PXYLP1: variants seen among roughly 807,000 people sequenced by gnomAD.
PXYLP1 encodes 2-phosphoxylose phosphatase 1.
Under a neutral mutation model 37.9 loss-of-function variants are expected in PXYLP1, and 17 were observed. The observed-to-expected ratio is 0.45, with a 90% CI of 0.31 to 0.67. The LOEUF (loss-of-function observed/expected upper bound fraction) is 0.67, where lower values mean the gene tolerates loss of function less well. PXYLP1 is among the 30% of genes least tolerant of loss of function. The probability of loss-of-function intolerance (pLI) is 0.07; values close to 1 mark genes in which losing one functional copy is unlikely to be tolerated. For missense variants in PXYLP1, 511 were observed against 612.0 expected (o/e 0.84, Z 1.74); for synonymous variants, 221 against 232.2 (o/e 0.95, Z 0.44).
At chr3:141,251,318 T>C (rs1576581637) in intron 1 of PXYLP1, among the ~76,000 whole-genome samples, 1 of 152,184 alleles carries the variant, frequency 6.6e-6, no homozygotes, top group East Asian at 1.9e-4. Context: ...TGAAAGTTGC[T>C]CCTCATCATG....
intron 2 of PXYLP1, among the ~76,000 whole-genome samples, chr3:141,269,960 C>T (rs1941620201): frequency 6.6e-6 from 1 of 152,230 alleles, no homozygotes; most frequent in African/African-American, 2.4e-5. Flanking sequence ...AGGGGGAGCC[C>T]CCATGCCCAA....
chr3:141,266,062 C>T lies in PXYLP1; in HGVS notation c.79+5808C>T, dbSNP rs574572806. 2.6e-5 allele frequency among the ~76,000 whole-genome samples: 4 copies of T among 152,306 alleles called. No individual in the cohort carries two copies. The East Asian group carries it at 7.7e-4, about 29-fold the overall frequency. ...GTCTGAGGCCTATGAGAGACCCTGT[C>T]AGAAGCCACCATCTGGGGACTTTGT... On this transcript the variant is annotated intron_variant, in intron 2 of 5. Coordinates refer to ENST00000286353, the MANE Select transcript of PXYLP1 (RefSeq NM_001037172.3).
At chr3:141,249,111 G>C (rs557601887) in intron 1 of PXYLP1, among the ~76,000 whole-genome samples, 2 of 151,798 alleles carry the variant, frequency 1.3e-5, no homozygotes, top group African/African-American at 4.9e-5. Context: ...TGAGACAGCC[G>C]TGTTCTCAGA....
At chr3:141,249,488 T>C (rs1941092437) in intron 1 of PXYLP1, among the ~76,000 whole-genome samples, 1 of 151,678 alleles carries the variant, frequency 6.6e-6, no homozygotes, top group South Asian at 2.1e-4. Context: ...TTTTTTTTTT[T>C]TGCCTTTAAA....
In PXYLP1 at chr3:141,256,546, G is replaced by A. The variant is rs186960362; in HGVS notation, c.-53-3577G>A. 2.3e-3 allele frequency among the ~76,000 whole-genome samples: 354 copies of A among 152,104 alleles called. 1 individual carries two copies. The highest frequency in any genetic ancestry group is 8.1e-3 in the African/African-American group (338 of 41,540). ...CATACACACACACACACGTATGCGC[G>A]TGTGCGCACACACACACACCCCTAC... On this transcript the variant is annotated intron_variant, in intron 1 of 5. Coordinates refer to ENST00000286353, the MANE Select transcript of PXYLP1 (RefSeq NM_001037172.3).
intron 2 of PXYLP1, among the ~76,000 whole-genome samples, chr3:141,275,952 G>A (rs188679163): frequency 6.6e-6 from 1 of 152,302 alleles, no homozygotes; most frequent in East Asian, 1.9e-4. Context: ...ATATGACAGT[G>A]GTGCCATATT....
intron 4 of PXYLP1, among the ~76,000 whole-genome samples, chr3:141,285,014 A>G (rs900197999): frequency 2.6e-5 from 4 of 152,204 alleles, no homozygotes; most frequent in African/African-American, 9.6e-5. Context: ...GGCTCCAGGG[A>G]TGGAGCAGTG....
rs1303232749 is a variant in PXYLP1, at chr3:141,263,047, C to T, written c.79+2793C>T. Reference sequence around the variant, plus strand: ...ATATAGCTTTGTTATCTGAAATGATCGTATATCTTATTTGGTCTTATTGGT... The same window carrying T: ...ATATAGCTTTGTTATCTGAAATGATTGTATATCTTATTTGGTCTTATTGGT... On this transcript the variant is annotated intron_variant, in intron 2 of 5. Coordinates refer to ENST00000286353, the MANE Select transcript of PXYLP1 (RefSeq NM_001037172.3). 7.2e-5 allele frequency among the ~76,000 whole-genome samples: 11 copies of T among 152,266 alleles called. No individual in the cohort carries two copies. The East Asian group carries it at 2.1e-3, about 29-fold the overall frequency.
intron 1 of PXYLP1, chr3:141,258,331 G>A (rs1022418543): frequency 2.0e-5 from 3 of 152,314 alleles, no homozygotes; most frequent in East Asian, 1.9e-4. Context: ...TTCGGGCACG[G>A]AGGCACTGAC....
chr3:141,287,945 CAT>C (rs1296812140), intron 5 of PXYLP1, among the ~76,000 whole-genome samples: 3 of 152,260 alleles, frequency 2.0e-5, no homozygotes, highest in Admixed American at 6.5e-5. Context: ...TAACTAATCT[CAT>C]GTTCTCAGAT....
intron 2 of PXYLP1, chr3:141,262,724 G>T: frequency 7.2e-6 from 11 of 1,528,600 alleles, no homozygotes; most frequent in Non-Finnish European, 8.8e-6. Context: ...CTTCTTTTAG[G>T]TAAACTGTAA....
In PXYLP1 at chr3:141,255,287, G is replaced by T. The variant is rs568013915; in HGVS notation, c.-53-4836G>T. Among the ~76,000 whole-genome samples the T allele has an allele frequency of 3.3e-5, 5 of 152,324 alleles. No homozygotes were observed. The South Asian group carries it at 8.3e-4, about 25-fold the overall frequency. On this transcript the variant is annotated intron_variant, in intron 1 of 5. Transcript: ENST00000286353. ...TCTAGGTTTCAGATATTTGTACCAC[G>T]TGGGTTTAGCACAGGGGACTGCAGC...
chr3:141,247,470 T>C (rs1262951622), intron 1 of PXYLP1, among the ~76,000 whole-genome samples: 4 of 152,266 alleles, frequency 2.6e-5, no homozygotes, highest in African/African-American at 7.2e-5. Flanking sequence ...CTAGGATTAC[T>C]TGTCCTCTGG....
At chr3:141,273,067 G>T (rs28671450) in intron 2 of PXYLP1, 145,977 of 985,232 alleles carry the variant, frequency 0.15, 13,733 homozygotes, top group African/African-American at 0.44. Context: ...ACCAGTGAGT[G>T]CAGGGGGCCC....
intron 2 of PXYLP1, chr3:141,272,811 A>C (rs1212795042): frequency 5.0e-6 from 1 of 201,448 alleles, no homozygotes; most frequent in East Asian, 1.9e-4. Context: ...TTCCAGCTGC[A>C]TTGGCAGCTT....
intron 1 of PXYLP1, among the ~76,000 whole-genome samples, chr3:141,241,898 C>A (rs1228162731): frequency 6.6e-6 from 1 of 152,154 alleles, no homozygotes; most frequent in East Asian, 1.9e-4. Flanking sequence ...TGTGCCGTCA[C>A]GTCTTGTGCC....
rs780454673 is a variant in PXYLP1, at chr3:141,248,613, A to G, written c.-53-11510A>G. On this transcript the variant is annotated intron_variant, in intron 1 of 5. Coordinates refer to ENST00000286353, the MANE Select transcript of PXYLP1 (RefSeq NM_001037172.3). ...CACACACGTGTATATATACACACGTATATATACACACACGTATATATACAC... is the reference window on the plus strand; with the variant it reads ...CACACACGTGTATATATACACACGTGTATATACACACACGTATATATACAC... Among the ~76,000 whole-genome samples the G allele has an allele frequency of 7.2e-4, 85 of 118,180 alleles. 24 individuals are homozygous for G. The highest frequency in any genetic ancestry group is 2.6e-3 in the African/African-American group (64 of 24,382). The allele number at this position is 118,180 out of a possible 152,430, so 77.5% of individuals were successfully genotyped here.
intron 4 of PXYLP1, among the ~76,000 whole-genome samples, chr3:141,285,144 C>CTTTTTTTTTTTT (rs147495598): frequency 2.0e-4 from 16 of 78,776 alleles, no homozygotes; most frequent in East Asian, 3.5e-4. Context: ...TTTTCTTTTT[C>CTTTTTTTTTTTT]TTTTTTTTTT....
chr3:141,289,814 T>C (rs916627602), intron 5 of PXYLP1, among the ~76,000 whole-genome samples: 2 of 145,766 alleles, frequency 1.4e-5, no homozygotes, highest in African/African-American at 5.5e-5. Flanking sequence ...CAGGTCAGGG[T>C]GACTGTGCAG....
Sources: gnomAD v4.1 joint callset for allele counts (sites outside exome capture counted in the v4.1 genomes callset) on GRCh38, gnomAD v4.1.1 for gene constraint, MANE v1.5 for transcripts, NCBI Gene and HGNC (gene_info 2026-07-23, HGNC 2026-07-21) for gene names.